RRM1: variants seen among roughly 807,000 people sequenced by gnomAD.
RRM1 encodes the protein ribonucleoside-diphosphate reductase large subunit.
Under a neutral mutation model 101.5 loss-of-function variants are expected in RRM1, and 19 were observed. That is an observed-to-expected ratio of 0.19 (90% CI 0.13 to 0.27). RRM1 has a LOEUF of 0.27. Ranked by LOEUF, RRM1 falls within the 10% of genes least tolerant of loss-of-function variation. RRM1 has a pLI of 1.00. For synonymous variants in RRM1, 298 were observed against 323.4 expected, an observed-to-expected ratio of 0.92 and a Z score of 0.84; for missense variants, 500 against 962.9, an observed-to-expected ratio of 0.52 and a Z score of 6.36.
intron 15 of RRM1, among the ~76,000 whole-genome samples, chr11:4,131,155 G>A (rs1279521716): frequency 6.6e-6 from 1 of 152,198 alleles, no homozygotes; most frequent in Non-Finnish European, 1.5e-5. Flanking sequence ...AGCAGAAGGG[G>A]AGGCAAACAG....
intron 7 of RRM1, among the ~76,000 whole-genome samples, chr11:4,113,686 C>G (rs1183083742): frequency 2.0e-5 from 3 of 152,208 alleles, no homozygotes; most frequent in Non-Finnish European, 4.4e-5. Context: ...TAGCCTACTA[C>G]ACACATAGGA....
rs749059569 is a variant in RRM1, at chr11:4,132,361, G to A, written c.1845G>A (p.Glu615=). 2 of 1,614,140 alleles carry A rather than the reference G, an allele frequency of 1.2e-6. No homozygotes were observed. Among genetic ancestry groups the A allele is most frequent in the Admixed American group, 1.7e-5 (1 of 60,032 alleles). ...ASTAQILGNN[E]SIEPYTSNIY... ...CTGCTCAGATCCTGGGGAATAATGAGTCCATTGAACCTTACACCAGCAACA... is the reference window on the plus strand; with the variant it reads ...CTGCTCAGATCCTGGGGAATAATGAATCCATTGAACCTTACACCAGCAACA... Residue 615 remains glutamate, a synonymous_variant, in exon 16 of 19, where the codon GAG becomes GAA. Coordinates refer to ENST00000300738, the MANE Select transcript of RRM1 (RefSeq NM_001033.5). The surrounding 1 kb of genome is among the most constrained non-coding windows in gnomAD (Gnocchi z 4.1).
intron 3 of RRM1, among the ~76,000 whole-genome samples, chr11:4,106,635 C>T (rs1051845899): frequency 6.6e-6 from 1 of 151,974 alleles, no homozygotes; most frequent in African/African-American, 2.4e-5. Context: ...GTAATCCCAG[C>T]TACTGGGGAG....
At chr11:4,108,432 A>G (rs918989059) in intron 4 of RRM1, among the ~76,000 whole-genome samples, 1 of 151,940 alleles carries the variant, frequency 6.6e-6, no homozygotes, top group Admixed American at 6.6e-5. Flanking sequence ...CCCCGTCTCT[A>G]CTAAAAATAC....
intron 16 of RRM1, among the ~76,000 whole-genome samples, chr11:4,133,108 C>G (rs531391275): frequency 7.0e-4 from 107 of 152,032 alleles, no homozygotes; most frequent in African/African-American, 2.5e-3. Flanking sequence ...TGTATAAAAC[C>G]AAGGTATACA....
At chr11:4,129,041 C>G (rs2133317711) in intron 14 of RRM1, 33 bp from the exon 15 acceptor site, 2 of 1,156,348 alleles carry the variant, frequency 1.7e-6, no homozygotes. Flanking sequence ...TTTTAACTTG[C>G]TGTAGAATAA....
chr11:4,127,758 G>A (rs2094592206), intron 14 of RRM1, among the ~76,000 whole-genome samples: 1 of 152,154 alleles, frequency 6.6e-6, no homozygotes, highest in Non-Finnish European at 1.5e-5. Context: ...GGAGTAAAAA[G>A]GATACTCTGT....
Position 4,132,135 on chromosome 11 carries a change from A to G in RRM1, c.1770-151A>G. ...GGAATTGCCTCCCTGTAGGAGTTTA[A>G]TTTGAAAGTCAACGTGTGAGTTCAA... On this transcript the variant is annotated intron_variant, in intron 15 of 18. Coordinates refer to ENST00000300738, the MANE Select transcript of RRM1 (RefSeq NM_001033.5). The surrounding 1 kb of genome is among the most constrained non-coding windows in gnomAD (Gnocchi z 4.1). The G allele has an allele frequency of 1.3e-6, 1 of 765,720 alleles. No individual in the cohort carries two copies. Among genetic ancestry groups the G allele is most frequent in the Non-Finnish European group, 2.1e-6 (1 of 470,440 alleles). The allele number at this position is 765,720 out of a possible 1,614,324, so 47.4% of individuals were successfully genotyped here.
rs941103356 is a variant in RRM1 at position 4,105,468 on chromosome 11, C to G, written c.109-578C>G. On this transcript the variant is annotated intron_variant, in intron 2 of 18. Coordinates refer to ENST00000300738, the MANE Select transcript of RRM1 (RefSeq NM_001033.5). ...TTTGTCCCAAACTCCTGGGCTCAAGCGAGCCTCCTACCTTGGCGTCCCAAA... is the reference window on the plus strand; with the variant it reads ...TTTGTCCCAAACTCCTGGGCTCAAGGGAGCCTCCTACCTTGGCGTCCCAAA... The G allele has an allele frequency of 8.7e-6, 3 of 343,966 alleles. No homozygotes were observed. The East Asian group carries it at 2.9e-4, about 33-fold the overall frequency. 21.3% of individuals were successfully genotyped at this position (343,966 alleles called of 1,614,324 possible). A position where few individuals can be genotyped will look rare whatever the true frequency, so the allele number is the denominator to read the frequency against.
chr11:4,102,228 A>T lies in RRM1; in HGVS notation c.108+147A>T, dbSNP rs533233871. ...AAAATTTGAATTCATTGCTTAAAAC[A>T]TTTTTTTTTCCTTAATTTTGGTTCT... On this transcript the variant is annotated intron_variant, in intron 2 of 18. Coordinates refer to ENST00000300738, the MANE Select transcript of RRM1 (RefSeq NM_001033.5). 1,774 of 565,754 alleles carry T rather than the reference A, an allele frequency of 3.1e-3. 29 individuals are homozygous for T. Among genetic ancestry groups the T allele is most frequent in the South Asian group, 0.022 (970 of 43,400 alleles). 35.0% of individuals were successfully genotyped at this position (565,754 alleles called of 1,614,324 possible). A position where few individuals can be genotyped will look rare whatever the true frequency, so the allele number is the denominator to read the frequency against.
chr11:4,129,673 G>C (rs1403947017), intron 15 of RRM1, among the ~76,000 whole-genome samples: 1 of 151,982 alleles, frequency 6.6e-6, no homozygotes. Context: ...TAAGGGATTC[G>C]AAGGCAGACA....
rs374583136 is a variant in RRM1 at position 4,107,422 on chromosome 11, T to C, written c.287-13T>C. ...GGTCTTGATATATTTTCATTTTTTG[T>C]TGTATTTTTTAGATGTGATGGAAGA... On this transcript the variant is annotated splice_polypyrimidine_tract_variant and intron_variant, in intron 3 of 18. Coordinates refer to ENST00000300738, the MANE Select transcript of RRM1 (RefSeq NM_001033.5). The C allele has an allele frequency of 1.0e-5, 16 of 1,537,594 alleles. No homozygotes were observed. Among genetic ancestry groups the C allele is most frequent in the Non-Finnish European group, 1.3e-5 (15 of 1,111,760 alleles).
At chr11:4,117,408 C>T (rs939617754) in intron 7 of RRM1, among the ~76,000 whole-genome samples, 6 of 152,210 alleles carry the variant, frequency 3.9e-5, no homozygotes, top group Non-Finnish European at 5.9e-5. Flanking sequence ...TCAACAGGCA[C>T]ATGGGACAAA....
At chr11:4,136,475 C>T (rs2094609993) in intron 18 of RRM1, among the ~76,000 whole-genome samples, 1 of 152,130 alleles carries the variant, frequency 6.6e-6, no homozygotes, top group Non-Finnish European at 1.5e-5. Context: ...CTGCCTCGGC[C>T]TCCCAAAGTG....
chr11:4,128,153 C>T (rs1025844550), intron 14 of RRM1, among the ~76,000 whole-genome samples: 2 of 149,666 alleles, frequency 1.3e-5, no homozygotes, highest in Admixed American at 1.3e-4. Flanking sequence ...CACCACCCCC[C>T]TGTCCCGCTT....
chr11:4,122,186 G>A lies in RRM1; in HGVS notation c.1084G>A (p.Val362Ile), dbSNP rs762255477. 6.2e-7 allele frequency: 1 copy of A among 1,613,490 alleles called. No individual in the cohort carries two copies. The highest frequency in any genetic ancestry group is 1.1e-5 in the South Asian group (1 of 91,018). The change falls in exon 11 of 19, where the codon GTT becomes ATT. Residue 362 changes from valine to isoleucine, a missense_variant. Physicochemically the swap from Val to Ile is conservative, Grantham distance 29. Coordinates refer to ENST00000300738, the MANE Select transcript of RRM1 (RefSeq NM_001033.5). The part of the protein sequence containing the change: ...CPNECPGLDE[V>I]WGEEFEKLYA... Reference sequence around the variant, plus strand: ...AAATGAGTGTCCTGGTCTGGATGAGGTTTGGGGAGAGGAATTTGAGAAACT... The same window carrying A: ...AAATGAGTGTCCTGGTCTGGATGAGATTTGGGGAGAGGAATTTGAGAAACT...
intron 2 of RRM1, among the ~76,000 whole-genome samples, chr11:4,102,734 T>A (rs1425612741): frequency 6.6e-6 from 1 of 152,182 alleles, no homozygotes; most frequent in Non-Finnish European, 1.5e-5. Context: ...TTAAAATTTG[T>A]TTTTTGTTAT....
intron 6 of RRM1, 35 bp from the exon 7 acceptor site, chr11:4,111,865 G>A (rs578011277): frequency 1.8e-5 from 29 of 1,576,266 alleles, no homozygotes; most frequent in South Asian, 7.1e-5. Flanking sequence ...TTTTTCTGAC[G>A]TCTCATCATG....
rs1165905247 is a variant in RRM1 at position 4,096,913 on chromosome 11, TG to T, written c.19+1885del. Among the ~76,000 whole-genome samples the T allele has an allele frequency of 1.2e-4, 18 of 152,042 alleles. 1 individual carries two copies. Among genetic ancestry groups the T allele is most frequent in the African/African-American group, 4.1e-4 (17 of 41,328 alleles). ...AATGTATGGACTTAGATGACCAGAA[TG>T]GGTAAAATTCAACCCTGTGTTGAAT... On this transcript the variant is annotated intron_variant, in intron 1 of 18. Coordinates refer to ENST00000300738, the MANE Select transcript of RRM1 (RefSeq NM_001033.5).
Sources: gnomAD v4.1 joint callset for allele counts (sites outside exome capture counted in the v4.1 genomes callset) on GRCh38, gnomAD v4.1.1 for gene constraint, Gnocchi (gnomAD v3.1) non-coding constraint, MANE v1.5 for transcripts, NCBI Gene and HGNC (gene_info 2026-07-23, HGNC 2026-07-21) for gene names.